The following ANKRD45 variants were observed in gnomAD, a reference collection of about 807,000 sequenced individuals.
ANKRD45 encodes ankyrin repeat domain-containing protein 45.
Under a neutral mutation model 28.1 loss-of-function variants are expected in ANKRD45, and 21 were observed. The observed-to-expected ratio is 0.75, with a 90% CI of 0.53 to 1.08. The LOEUF (loss-of-function observed/expected upper bound fraction) is 1.08, where lower values mean the gene tolerates loss of function less well. Among genes scored for constraint, ANKRD45 ranks in the 50% least tolerant of loss-of-function variants. The pLI, the probability that ANKRD45 is intolerant of heterozygous loss-of-function variation, is 0.00. For missense variants in ANKRD45, 261 were observed against 308.7 expected, an observed-to-expected ratio of 0.85 and a Z score of 1.16; for synonymous variants, 86 against 103.9, an observed-to-expected ratio of 0.83 and a Z score of 1.05.
At chr1:173,695,533 T>A in the ANKRD45 span, among the ~76,000 whole-genome samples, 16 of 152,304 alleles carry the variant, frequency 1.1e-4, no homozygotes, top group East Asian at 2.5e-3. Flanking sequence ...GGACATGATA[T>A]CACTCTTTCT....
chr1:173,614,094 A>G (rs960598683), intron 5 of ANKRD45, among the ~76,000 whole-genome samples: 15 of 151,620 alleles, frequency 9.9e-5, no homozygotes, highest in Non-Finnish European at 2.1e-4. Context: ...AGTCATCACC[A>G]CTCCCTAATC....
chr1:173,651,886 GCTCT>G (rs1429968791), intron 2 of ANKRD45, among the ~76,000 whole-genome samples: 2 of 152,032 alleles, frequency 1.3e-5, no homozygotes, highest in South Asian at 4.1e-4. Context: ...TCATGATTTG[GCTCT>G]CTGTTTCTCT....
rs200585435 is a variant in ANKRD45, at chr1:173,624,768, C to T, written c.730+19G>A. Reference sequence around the variant, plus strand: ...TTCATCCCTTCTGACATTCAAACCACCTTTTATCCAAAACTTACATGGTGT... The same window carrying T: ...TTCATCCCTTCTGACATTCAAACCATCTTTTATCCAAAACTTACATGGTGT... On this transcript the variant is annotated intron_variant, in intron 5 of 5. Coordinates refer to ENST00000333279, the MANE Select transcript of ANKRD45 (RefSeq NM_198493.3). 80 of 1,603,544 alleles carry T rather than the reference C, an allele frequency of 5.0e-5. No individual in the cohort carries two copies. In the Middle Eastern group the frequency reaches 6.6e-4, roughly 13 times the overall value.
At chr1:173,656,571 T>C (rs7365380) in intron 2 of ANKRD45, among the ~76,000 whole-genome samples, 56,141 of 152,022 alleles carry the variant, frequency 0.37, 12,742 homozygotes, top group South Asian at 0.55. Flanking sequence ...ATTACTGTGA[T>C]GTATGGCCCG....
intron 3 of ANKRD45, among the ~76,000 whole-genome samples, chr1:173,633,515 C>T (rs1008481877): frequency 2.0e-5 from 3 of 151,864 alleles, no homozygotes; most frequent in Non-Finnish European, 4.4e-5. Flanking sequence ...TATGGAACCA[C>T]AAAAGCCCCA....
At chr1:173,694,313 G>A in the ANKRD45 span, among the ~76,000 whole-genome samples, 1 of 151,974 alleles carries the variant, frequency 6.6e-6, no homozygotes. Context: ...ACAGGTGCAT[G>A]CCACGGACAC....
chr1:173,660,290 A>G (rs780447153), intron 1 of ANKRD45, among the ~76,000 whole-genome samples: 6 of 152,338 alleles, frequency 3.9e-5, no homozygotes, highest in Non-Finnish European at 7.3e-5. Context: ...GAGTCCCTTC[A>G]TTACGTACAA....
the ANKRD45 span, among the ~76,000 whole-genome samples, chr1:173,688,058 T>A: frequency 6.6e-6 from 1 of 151,802 alleles, no homozygotes; most frequent in Non-Finnish European, 1.5e-5. Flanking sequence ...TCGCTACAGA[T>A]TGAATGTATT....
rs2102303268 is a variant in ANKRD45, at chr1:173,610,027, G to A, written c.*118C>T. ...ACAGGTCAAACAAAACAAGGGCGAT[G>A]TAATGTTGTACTTAAATACTTAAAG... On this transcript the variant is annotated 3_prime_UTR_variant, in exon 6 of 6. Transcript: ENST00000333279. The A allele has an allele frequency of 9.6e-7, 1 of 1,042,014 alleles. No homozygotes were observed. The highest frequency in any genetic ancestry group is 2.4e-5 in the East Asian group (1 of 41,742). 64.5% of individuals were successfully genotyped at this position (1,042,014 alleles called of 1,614,324 possible). A position where few individuals can be genotyped will look rare whatever the true frequency, so the allele number is the denominator to read the frequency against.
Position 173,645,823 on chromosome 1 carries a change from G to A in ANKRD45, c.496+1023C>T, listed in dbSNP as rs150599808. Reference sequence around the variant, plus strand: ...ATTCAAATCCCATCCATTCTTCAAGGCCCAGCTCAAGCCCAACATGCTCTG... The same window carrying A: ...ATTCAAATCCCATCCATTCTTCAAGACCCAGCTCAAGCCCAACATGCTCTG... On this transcript the variant is annotated intron_variant, in intron 3 of 5. Transcript: ENST00000333279. Among the ~76,000 whole-genome samples, 140 of 152,034 alleles carry A rather than the reference G, an allele frequency of 9.2e-4. 1 individual carries two copies. The highest frequency in any genetic ancestry group is 3.1e-3 in the African/African-American group (129 of 41,454).
At chr1:173,641,923 T>C (rs1293649226) in intron 3 of ANKRD45, among the ~76,000 whole-genome samples, 1 of 152,168 alleles carries the variant, frequency 6.6e-6, no homozygotes, top group Non-Finnish European at 1.5e-5. Flanking sequence ...TAAATTATAC[T>C]AGGGACTCCA....
chr1:173,661,180 G>A (rs1669758801), intron 1 of ANKRD45, among the ~76,000 whole-genome samples: 1 of 152,132 alleles, frequency 6.6e-6, no homozygotes, highest in South Asian at 2.1e-4. Flanking sequence ...ACAGATTCAA[G>A]ATCATGTTTA....
chr1:173,689,503 T>C, the ANKRD45 span, among the ~76,000 whole-genome samples: 73 of 152,240 alleles, frequency 4.8e-4, no homozygotes, highest in African/African-American at 1.6e-3. Context: ...GTCTTCCCAA[T>C]TGTCTATTTT....
intron 1 of ANKRD45, among the ~76,000 whole-genome samples, chr1:173,660,277 C>A (rs578112949): frequency 6.6e-6 from 1 of 152,176 alleles, no homozygotes; most frequent in African/African-American, 2.4e-5. Flanking sequence ...GAGAAGAGTA[C>A]CAGAGTCCCT....
chr1:173,678,140 G>A, the ANKRD45 span, among the ~76,000 whole-genome samples: 8 of 152,232 alleles, frequency 5.3e-5, no homozygotes, highest in East Asian at 3.9e-4. Flanking sequence ...ACTACCAGAC[G>A]TACAAAGAGG....
At chr1:173,649,179 T>C (rs929423215) in intron 2 of ANKRD45, among the ~76,000 whole-genome samples, 2 of 152,212 alleles carry the variant, frequency 1.3e-5, no homozygotes, top group Admixed American at 1.3e-4. Context: ...ATTTGAATAA[T>C]CATCTTATAC....
At chr1:173,702,767 G>T in the ANKRD45 span, among the ~76,000 whole-genome samples, 1 of 148,890 alleles carries the variant, frequency 6.7e-6, no homozygotes, top group Non-Finnish European at 1.5e-5. Flanking sequence ...TCTTGCCGAG[G>T]CTGAAATGCA....
At chr1:173,620,667 G>A (rs528766737) in intron 5 of ANKRD45, among the ~76,000 whole-genome samples, 28 of 151,982 alleles carry the variant, frequency 1.8e-4, no homozygotes, top group Middle Eastern at 3.4e-3. Context: ...TGGGTGCAGC[G>A]CACCAGCATG....
chr1:173,668,526 G>C (rs1195862385), intron 1 of ANKRD45, among the ~76,000 whole-genome samples: 1 of 152,142 alleles, frequency 6.6e-6, no homozygotes, highest in South Asian at 2.1e-4. Context: ...ACCCTGACCC[G>C]TCCCCATAAC....
Sources: allele counts gnomAD v4.1 joint callset (sites outside exome capture counted in the v4.1 genomes callset), GRCh38; gene constraint gnomAD v4.1.1; transcripts MANE v1.5; gene names NCBI Gene and HGNC (gene_info 2026-07-23, HGNC 2026-07-21).